The following MARCHF10 variants were observed in gnomAD, a reference collection of about 807,000 sequenced individuals.
MARCHF10 encodes membrane associated ring-CH-type finger 10.
Under a neutral mutation model 76.2 loss-of-function variants are expected in MARCHF10, and 64 were observed. The ratio of observed to expected loss-of-function variants is 0.84; its 90% CI spans 0.69 to 1.03. The LOEUF (loss-of-function observed/expected upper bound fraction) is 1.03. Among genes scored for constraint, MARCHF10 ranks in the 50% least tolerant of loss-of-function variants. The pLI is 0.00. For missense variants in MARCHF10, 875 were observed against 958.0 expected (o/e 0.91, Z 1.14); for synonymous variants, 340 against 357.5 (o/e 0.95, Z 0.55).
intron 3 of MARCHF10, among the ~76,000 whole-genome samples, chr17:62,765,351 CAAAAAAAAAAAAAA>C (rs57082084): frequency 1.4e-5 from 1 of 73,618 alleles, no homozygotes; most frequent in African/African-American, 5.9e-5. Flanking sequence ...GACTCTGTCT[CAAAAAAAAAAAAAA>C]AAAAAAAAAA....
rs531431355 is a variant in MARCHF10 at position 62,724,963 on chromosome 17, C to A, written c.2079G>T (p.Lys693Asn). ...CTGATGTTATTTTCACTTTCAGCCACTTTTTCAGGCACTCTTGATGAACAA... is the reference window on the plus strand; with the variant it reads ...CTGATGTTATTTTCACTTTCAGCCAATTTTTCAGGCACTCTTGATGAACAA... ...LQFVHQECLK[K>N]WLKVKITSGA... is the part of the protein sequence containing the mutation. The change falls in exon 7 of 11, where the codon AAG (lysine) becomes AAT (asparagine). Residue 693 changes from lysine to asparagine, a missense_variant. By Grantham distance (94) the Lys-to-Asn change is moderately conservative. Coordinates refer to ENST00000311269, the MANE Select transcript of MARCHF10 (RefSeq NM_152598.4). 6.2e-7 allele frequency: 1 copy of A among 1,612,264 alleles called. No homozygotes were observed. Among genetic ancestry groups the A allele is most frequent in the East Asian group, 2.2e-5 (1 of 44,754 alleles).
intron 1 of MARCHF10, among the ~76,000 whole-genome samples, chr17:62,805,216 A>C (rs973321585): frequency 6.6e-6 from 1 of 152,160 alleles, no homozygotes; most frequent in Non-Finnish European, 1.5e-5. Context: ...CACTTATGGG[A>C]CTATGTTTTA....
rs1330526459 is a variant in MARCHF10, at chr17:62,724,930, C to T, written c.2104+8G>A. 6.2e-7 allele frequency: 1 copy of T among 1,611,028 alleles called. No homozygotes were observed. The highest frequency in any genetic ancestry group is 8.5e-7 in the Non-Finnish European group (1 of 1,178,954). ...TGGCACGTTCACTGCACTTCCTTCC[C>T]CACCTACCTGATGTTATTTTCACTT... On this transcript the variant is annotated splice_region_variant and intron_variant, in intron 7 of 10. Transcript: ENST00000311269.
intron 1 of MARCHF10, among the ~76,000 whole-genome samples, chr17:62,803,916 C>T (rs1002495504): frequency 6.6e-6 from 1 of 152,164 alleles, no homozygotes; most frequent in Non-Finnish European, 1.5e-5. Context: ...GTGAGGCCAG[C>T]ACTAGATCTC....
chr17:62,776,582 C>T (rs145245655), intron 3 of MARCHF10, among the ~76,000 whole-genome samples: 124 of 152,334 alleles, frequency 8.1e-4, no homozygotes, highest in African/African-American at 2.5e-3. Context: ...TTGTTTGCTG[C>T]ATTAATGCTG....
intron 6 of MARCHF10, among the ~76,000 whole-genome samples, chr17:62,733,515 T>C (rs1377133907): frequency 6.6e-6 from 1 of 152,138 alleles, no homozygotes; most frequent in Non-Finnish European, 1.5e-5. Flanking sequence ...GACACTAAAT[T>C]GGCATTATTT....
chr17:62,791,844 G>T (rs796747157), intron 2 of MARCHF10, among the ~76,000 whole-genome samples: 1 of 152,194 alleles, frequency 6.6e-6, no homozygotes, highest in African/African-American at 2.4e-5. Flanking sequence ...GGGCGGGTGG[G>T]GGGAGCCTAA....
intron 3 of MARCHF10, among the ~76,000 whole-genome samples, chr17:62,787,896 TATC>T (rs1192281179): frequency 6.6e-6 from 1 of 152,206 alleles, no homozygotes; most frequent in African/African-American, 2.4e-5. Flanking sequence ...TAATTATTAT[TATC>T]ATGATACTAT....
At chr17:62,789,255 C>G (rs957891919) in intron 2 of MARCHF10, among the ~76,000 whole-genome samples, 7 of 152,136 alleles carry the variant, frequency 4.6e-5, no homozygotes, top group Admixed American at 3.3e-4. Flanking sequence ...CATGGCCCCT[C>G]CCTCTTCCTA....
At chr17:62,767,413 C>T (rs896214225) in intron 3 of MARCHF10, among the ~76,000 whole-genome samples, 2 of 149,300 alleles carry the variant, frequency 1.3e-5, no homozygotes, top group African/African-American at 4.9e-5. Flanking sequence ...AACCAATTAA[C>T]CTTGAAATAA....
At chr17:62,722,136 A>G (rs1314610761) in intron 8 of MARCHF10, among the ~76,000 whole-genome samples, 1 of 152,114 alleles carries the variant, frequency 6.6e-6, no homozygotes, top group Non-Finnish European at 1.5e-5. Flanking sequence ...TACAAAAATT[A>G]GGTGGGTGTG....
intron 5 of MARCHF10, 112 bp downstream of exon 5, chr17:62,744,264 C>T (rs1001044314): frequency 1.7e-6 from 2 of 1,181,284 alleles, no homozygotes; most frequent in Admixed American, 2.3e-5. Flanking sequence ...GGTACATGCA[C>T]CTCATTTACT....
intron 3 of MARCHF10, among the ~76,000 whole-genome samples, chr17:62,762,457 C>T (rs1366673097): frequency 6.6e-6 from 1 of 152,172 alleles, no homozygotes; most frequent in Non-Finnish European, 1.5e-5. Context: ...TTTTTTCCTG[C>T]TTGCCTCATT....
intron 6 of MARCHF10, among the ~76,000 whole-genome samples, chr17:62,733,411 A>G (rs2091120991): frequency 6.6e-6 from 1 of 152,260 alleles, no homozygotes; most frequent in African/African-American, 2.4e-5. Flanking sequence ...AACTCAAGCT[A>G]CAATATCATT....
intron 4 of MARCHF10, among the ~76,000 whole-genome samples, chr17:62,756,173 G>A (rs1006178588): frequency 3.3e-5 from 5 of 152,158 alleles, no homozygotes; most frequent in African/African-American, 9.7e-5. Context: ...GCTTGAGTCC[G>A]GGAGGCGGAG....
Position 62,737,016 on chromosome 17 carries a change from G to T in MARCHF10, c.852C>A (p.Ser284Arg), listed in dbSNP as rs199857388. Residue 284 changes from serine to arginine, a missense_variant, in exon 6 of 11, where the codon AGC becomes AGA. Ser to Arg is a moderately radical substitution (Grantham distance 110, BLOSUM62 -1). Transcript: ENST00000311269. ...EDFYSILSLN[S>R]RRESDDTEEE... is the part of the protein sequence containing the mutation. ...CTTCAGTGTCATCGCTTTCTCTTCT[G>T]CTGTTCAATGACAAAATGGAATAAA... 3 of 1,613,996 alleles carry T rather than the reference G, an allele frequency of 1.9e-6. No individual in the cohort carries two copies. Among genetic ancestry groups the T allele is most frequent in the Non-Finnish European group, 2.5e-6 (3 of 1,180,036 alleles).
At chr17:62,802,003 CAGAG>C (rs2093082823) in intron 1 of MARCHF10, among the ~76,000 whole-genome samples, 1 of 152,158 alleles carries the variant, frequency 6.6e-6, no homozygotes, top group Admixed American at 6.5e-5. Context: ...CCTGGTTACT[CAGAG>C]GGAGTTAGAT....
At chr17:62,710,601 C>T (rs188931386) in intron 9 of MARCHF10, among the ~76,000 whole-genome samples, 2 of 142,310 alleles carry the variant, frequency 1.4e-5, no homozygotes, top group Admixed American at 1.5e-4. Context: ...TTCTGTCACC[C>T]AGGCTGGAGT....
intron 3 of MARCHF10, among the ~76,000 whole-genome samples, chr17:62,770,851 CTTTTTTTTTTTTT>C (rs35064058): frequency 1.9e-4 from 16 of 83,632 alleles, no homozygotes; most frequent in African/African-American, 6.8e-4. Flanking sequence ...TGTATTTTGA[CTTTTTTTTTTTTT>C]TTTTTTTTTG....
Sources: allele counts gnomAD v4.1 joint callset (sites outside exome capture counted in the v4.1 genomes callset), GRCh38; gene constraint gnomAD v4.1.1; transcripts MANE v1.5; gene names NCBI Gene and HGNC (gene_info 2026-07-23, HGNC 2026-07-21).